Variants in CPLANE1 observed in about 807,000 individuals in gnomAD.
CPLANE1 encodes ciliogenesis and planar polarity effector 1.
A neutral mutation model predicts 362.5 loss-of-function variants in CPLANE1; 263 were observed. That is an observed-to-expected ratio of 0.73 (90% CI 0.66 to 0.80). The LOEUF (loss-of-function observed/expected upper bound fraction) is 0.80, where lower values mean the gene tolerates loss of function less well. Ranked by LOEUF, CPLANE1 falls within the 30% of genes least tolerant of loss-of-function variation. The pLI is 0.00. For missense variants in CPLANE1, 3,461 were observed against 3,793.4 expected (o/e 0.91, Z 2.30); for synonymous variants, 1,212 against 1,302.6 (o/e 0.93, Z 1.50).
At chr5:37,150,219 T>A (rs1773094067) in intron 42 of CPLANE1, among the ~76,000 whole-genome samples, 1 of 152,290 alleles carries the variant, frequency 6.6e-6, no homozygotes, top group South Asian at 2.1e-4. Flanking sequence ...TTTGGCTGGC[T>A]TTCTCCTGAG....
chr5:37,177,910 T>C lies in CPLANE1; in HGVS notation c.5821-210A>G, dbSNP rs572913892. ...GCCTCCACTCTGTCACACTGGGCTA[T>C]TGAGCATGCTAAGTTACAAAGACAA... On this transcript the variant is annotated intron_variant, in intron 29 of 52. Coordinates refer to ENST00000651892, the MANE Select transcript of CPLANE1 (RefSeq NM_001384732.1). Among the ~76,000 whole-genome samples, 4 of 152,334 alleles carry C rather than the reference T, an allele frequency of 2.6e-5. No individual in the cohort carries two copies. The East Asian group carries it at 5.8e-4, about 22-fold the overall frequency.
the CPLANE1 span, among the ~76,000 whole-genome samples, chr5:37,095,140 C>G: frequency 6.6e-6 from 1 of 152,168 alleles, no homozygotes; most frequent in Admixed American, 6.6e-5. Flanking sequence ...AAAAAGAAAA[C>G]TACAGACCAA....
chr5:37,248,362 T>C (rs150409302), intron 1 of CPLANE1, among the ~76,000 whole-genome samples: 3 of 152,192 alleles, frequency 2.0e-5, no homozygotes, highest in African/African-American at 7.2e-5. Flanking sequence ...ACCCCTGACC[T>C]TGGGTGATCC....
intron 43 of CPLANE1, among the ~76,000 whole-genome samples, chr5:37,143,209 A>G (rs1378210862): frequency 3.3e-5 from 5 of 152,230 alleles, no homozygotes; most frequent in Non-Finnish European, 1.5e-5. Context: ...AACTACTCCA[A>G]AGACAAACAT....
chr5:37,189,695 G>GAAT (rs1459139622), intron 21 of CPLANE1, among the ~76,000 whole-genome samples: 2 of 152,102 alleles, frequency 1.3e-5, no homozygotes, highest in East Asian at 3.8e-4. Flanking sequence ...GAATACAACA[G>GAAT]AATATATCAA....
chr5:37,242,981 T>G (rs2150764055), intron 6 of CPLANE1, 32 bp downstream of exon 6: 2 of 1,441,488 alleles, frequency 1.4e-6, no homozygotes, highest in Non-Finnish European at 1.9e-6. Flanking sequence ...AAAAAATCAG[T>G]AAGAAAAGGA....
chr5:37,193,100 G>T (rs1189900594), intron 21 of CPLANE1, among the ~76,000 whole-genome samples: 3 of 151,624 alleles, frequency 2.0e-5, no homozygotes, highest in Admixed American at 6.6e-5. Flanking sequence ...TGGAGGCAGA[G>T]GTTGTAGTGA....
Position 37,125,303 on chromosome 5 carries a change from T to C in CPLANE1, c.8899A>G (p.Asn2967Asp), listed in dbSNP as rs1763829121. 9.3e-6 allele frequency: 15 copies of C among 1,614,076 alleles called. No individual in the cohort carries two copies. The highest frequency in any genetic ancestry group is 1.3e-5 in the Non-Finnish European group (15 of 1,179,982). Residue 2967 changes from asparagine (N) to aspartate (D), a missense_variant, in exon 47 of 53, where the codon AAT becomes GAT. This residue lies in a region of CPLANE1 where 3,380 missense variants were observed against 3,666.1 expected (regional missense o/e 0.92). Transcript: ENST00000651892. ...TGCCCTCTCTTTTCTGCCAGCTCAT[T>C]TAAGTACTTTGCCATTCTTTCTTTT... ...KRKERMAKYL[N>D]ELAEKRGQEH...
rs547585117 is a variant in CPLANE1, at chr5:37,218,352, A to C, written c.2746+2972T>G. Among the ~76,000 whole-genome samples, 4 of 152,324 alleles carry C rather than the reference A, an allele frequency of 2.6e-5. No individual in the cohort carries two copies. The South Asian group carries it at 8.3e-4, about 32-fold the overall frequency. On this transcript the variant is annotated intron_variant, in intron 15 of 52. Coordinates refer to ENST00000651892, the MANE Select transcript of CPLANE1 (RefSeq NM_001384732.1). ...TGAGGTTCTAATGAACTTCCCTGGT[A>C]GACTATATCTCACATGTTGTCACAA...
At chr5:37,193,904 C>T (rs1201006758) in intron 21 of CPLANE1, among the ~76,000 whole-genome samples, 2 of 150,754 alleles carry the variant, frequency 1.3e-5, no homozygotes, top group Admixed American at 6.6e-5. Context: ...CGCACCTGGC[C>T]AGAAAGGAAC....
chr5:37,243,530 C>A (rs569738323), intron 5 of CPLANE1, among the ~76,000 whole-genome samples: 2 of 151,574 alleles, frequency 1.3e-5, no homozygotes, highest in African/African-American at 4.8e-5. Flanking sequence ...ACGAAGAATA[C>A]CAAGCAGATA....
chr5:37,235,133 T>C (rs1299875303), intron 8 of CPLANE1, among the ~76,000 whole-genome samples: 1 of 152,172 alleles, frequency 6.6e-6, no homozygotes, highest in African/African-American at 2.4e-5. Context: ...GATTTCAGGA[T>C]ACTTTATATT....
chr5:37,111,666 C>T (rs1415279188), intron 51 of CPLANE1, among the ~76,000 whole-genome samples: 2 of 152,144 alleles, frequency 1.3e-5, no homozygotes, highest in South Asian at 2.1e-4. Flanking sequence ...CATTTGGTAG[C>T]ACCTGCCACT....
At chr5:37,110,808 T>TC (rs1307542373) in intron 51 of CPLANE1, among the ~76,000 whole-genome samples, 1 of 147,302 alleles carries the variant, frequency 6.8e-6, no homozygotes, top group Admixed American at 6.8e-5. Flanking sequence ...ATTAACTTTT[T>TC]TTTTTTTTTT....
In CPLANE1 at chr5:37,170,220, T is replaced by C. The variant is rs1362890612; in HGVS notation, c.6283A>G (p.Ser2095Gly). 1 of 1,614,194 alleles carries C rather than the reference T, an allele frequency of 6.2e-7. No homozygotes were observed. The highest frequency in any genetic ancestry group is 1.1e-5 in the South Asian group (1 of 91,080). The change falls in exon 33 of 53, where the codon AGC (serine) becomes GGC (glycine). Residue 2095 changes from serine to glycine, a missense_variant. Transcript: ENST00000651892. ...QQSQSVHLGE[S>G]QESNLRGCGD... Reference sequence around the variant, plus strand: ...CATCCTCTTAGGTTTGATTCTTGGCTTTCCCCTAAATGCACAGACTGAGAC... The same window carrying C: ...CATCCTCTTAGGTTTGATTCTTGGCCTTCCCCTAAATGCACAGACTGAGAC...
intron 6 of CPLANE1, among the ~76,000 whole-genome samples, chr5:37,240,201 T>C (rs542280757): frequency 1.9e-4 from 29 of 151,948 alleles, no homozygotes; most frequent in African/African-American, 6.5e-4. Context: ...AAATACAAAA[T>C]TACCTGGGCA....
At chr5:37,075,920 G>C in the CPLANE1 span, among the ~76,000 whole-genome samples, 1 of 152,006 alleles carries the variant, frequency 6.6e-6, no homozygotes, top group African/African-American at 2.4e-5. Context: ...CATGCAATTG[G>C]TTTTTAATAC....
At chr5:37,194,980 G>A (rs889206121) in intron 21 of CPLANE1, among the ~76,000 whole-genome samples, 17 of 151,738 alleles carry the variant, frequency 1.1e-4, no homozygotes, top group Non-Finnish European at 1.5e-4. Context: ...GTGAAACCCC[G>A]TCTCTACTAA....
Position 37,180,984 on chromosome 5 carries a change from C to G in CPLANE1, c.5443G>C (p.Gly1815Arg), listed in dbSNP as rs1009339676. Residue 1815 changes from glycine to arginine, a missense_variant, in exon 27 of 53, where the codon GGG (glycine) becomes CGG (arginine). Coordinates refer to ENST00000651892, the MANE Select transcript of CPLANE1 (RefSeq NM_001384732.1). ...IIKMVENRDT[G>R]CQIGPNIERE... ...TCAATATTGGGTCCAATCTGACACC[C>G]AGTGTCACGATTCTCTACCATCTAA... The G allele has an allele frequency of 1.9e-6, 3 of 1,613,682 alleles. No individual in the cohort carries two copies. In the African/African-American group the frequency reaches 4.0e-5, roughly 22 times the overall value.
Sources: allele counts gnomAD v4.1 joint callset (sites outside exome capture counted in the v4.1 genomes callset), GRCh38; gene constraint gnomAD v4.1.1; regional missense constraint gnomAD v4.1.1; transcripts MANE v1.5; gene names NCBI Gene and HGNC (gene_info 2026-07-23, HGNC 2026-07-21).